Variants in PLXDC1 observed in about 807,000 individuals in gnomAD.
The protein encoded by PLXDC1 is plexin domain containing 1.
In PLXDC1, 39 loss-of-function variants were observed where a neutral mutation model predicts 61.3. The observed-to-expected ratio is 0.64, with a 90% CI of 0.49 to 0.83. The LOEUF (loss-of-function observed/expected upper bound fraction) is 0.83, where lower values mean the gene tolerates loss of function less well. PLXDC1 is among the 40% of genes least tolerant of loss of function. The pLI is 0.00. For synonymous variants in PLXDC1, 212 were observed against 254.5 expected, an observed-to-expected ratio of 0.83 and a Z score of 1.59; for missense variants, 596 against 666.5, an observed-to-expected ratio of 0.89 and a Z score of 1.17.
chr17:39,112,777 T>G (rs1260786031), intron 2 of PLXDC1, among the ~76,000 whole-genome samples: 1 of 152,112 alleles, frequency 6.6e-6, no homozygotes, highest in African/African-American at 2.4e-5. Flanking sequence ...GACTGGTGCT[T>G]TGCAATGTGT....
At position 39,105,904 on chromosome 17, in the gene PLXDC1, G is replaced by A; in HGVS notation, c.761C>T (p.Thr254Ile). ...EISSSQHPVK[T>I]GLSDAFMILN... Reference sequence around the variant, plus strand: ...AATCATGAAGGCATCCGATAGGCCGGTTTTGACAGGATGCTGGGAGGAGCT... The same window carrying A: ...AATCATGAAGGCATCCGATAGGCCGATTTTGACAGGATGCTGGGAGGAGCT... Residue 254 changes from threonine (T) to isoleucine (I), a missense_variant, in exon 7 of 14, where the codon ACC (threonine) becomes ATC (isoleucine). Thr to Ile is a moderately conservative substitution (Grantham distance 89, BLOSUM62 -1). Coordinates refer to ENST00000315392, the MANE Select transcript of PLXDC1 (RefSeq NM_020405.5). 2.5e-6 allele frequency: 4 copies of A among 1,614,074 alleles called. No homozygotes were observed. Among genetic ancestry groups the A allele is most frequent in the East Asian group, 2.2e-5 (1 of 44,884 alleles).
chr17:39,148,736 A>C (rs2045356436), intron 1 of PLXDC1, among the ~76,000 whole-genome samples: 1 of 151,456 alleles, frequency 6.6e-6, no homozygotes, highest in Non-Finnish European at 1.5e-5. Flanking sequence ...TGCCTGGCCT[A>C]AATCATTTAT....
At chr17:39,103,689 T>G (rs956621830) in intron 7 of PLXDC1, among the ~76,000 whole-genome samples, 1 of 151,382 alleles carries the variant, frequency 6.6e-6, no homozygotes, top group Non-Finnish European at 1.5e-5. Context: ...TTACTAAAAA[T>G]ACAAAAATCA....
At chr17:39,119,979 C>A (rs1003569178) in intron 2 of PLXDC1, among the ~76,000 whole-genome samples, 16 of 151,990 alleles carry the variant, frequency 1.1e-4, no homozygotes, top group Non-Finnish European at 1.9e-4. Context: ...CTCATTGTAA[C>A]CCCTCCCTTT....
At chr17:39,112,062 C>A (rs1344777687) in intron 2 of PLXDC1, 1 of 151,866 alleles carries the variant, frequency 6.6e-6, no homozygotes, top group Non-Finnish European at 1.5e-5. Context: ...CTGCTGGAGA[C>A]CCCTATCTCA....
intron 7 of PLXDC1, among the ~76,000 whole-genome samples, chr17:39,099,116 C>G (rs62076656): frequency 0.27 from 41,620 of 151,824 alleles, 6,240 homozygotes; most frequent in Non-Finnish European, 0.34. Context: ...GACCCAACAC[C>G]TCAGCACACA....
At chr17:39,131,307 G>A (rs181495791) in intron 2 of PLXDC1, among the ~76,000 whole-genome samples, 16 of 151,976 alleles carry the variant, frequency 1.1e-4, no homozygotes, top group African/African-American at 3.6e-4. Context: ...TCCACCTCCT[G>A]CCTCCCTGGA....
intron 2 of PLXDC1, among the ~76,000 whole-genome samples, chr17:39,130,685 C>T (rs533887106): frequency 6.6e-6 from 1 of 152,146 alleles, no homozygotes; most frequent in African/African-American, 2.4e-5. Flanking sequence ...GCCTCAGCCT[C>T]CCAAGCAGCT....
chr17:39,103,508 G>A (rs1910495091), intron 7 of PLXDC1, among the ~76,000 whole-genome samples: 2 of 151,918 alleles, frequency 1.3e-5, no homozygotes, highest in African/African-American at 4.8e-5. Context: ...GGGACACTGC[G>A]CTCCAGCCTG....
intron 2 of PLXDC1, among the ~76,000 whole-genome samples, chr17:39,119,362 G>T (rs1037213635): frequency 6.6e-6 from 1 of 152,140 alleles, no homozygotes; most frequent in Non-Finnish European, 1.5e-5. Flanking sequence ...TTATGAATGT[G>T]CAAATTACCC....
chr17:39,118,701 A>G (rs1911069876), intron 2 of PLXDC1, among the ~76,000 whole-genome samples: 1 of 152,218 alleles, frequency 6.6e-6, no homozygotes, highest in Admixed American at 6.5e-5. Context: ...AGTCTCCTAC[A>G]TGACCCTGTG....
intron 4 of PLXDC1, among the ~76,000 whole-genome samples, chr17:39,108,546 G>T (rs1036716251): frequency 6.6e-6 from 1 of 152,178 alleles, no homozygotes; most frequent in African/African-American, 2.4e-5. Flanking sequence ...GAACTGAAGT[G>T]CAGGGATTAA....
rs1203516781 is a variant in PLXDC1, at chr17:39,109,357, T to C, written c.290A>G (p.Tyr97Cys). ...DNHSYYVSRLYGPSEPHSREL... is the reference protein window; with the variant it reads ...DNHSYYVSRLCGPSEPHSREL... ...CCGGCTGTGGGGCTCGCTGGGGCCA[T>C]AGAGACGGGACACATAATAGCTGTG... is the stretch of plus-strand genomic sequence containing the variant. The change falls in exon 3 of 14, where the codon TAT becomes TGT. Residue 97 changes from tyrosine to cysteine, a missense_variant. Tyr to Cys is a radical substitution (Grantham distance 194). Coordinates refer to ENST00000315392, the MANE Select transcript of PLXDC1 (RefSeq NM_020405.5). 3.1e-6 allele frequency: 5 copies of C among 1,604,982 alleles called. No individual in the cohort carries two copies. Among genetic ancestry groups the C allele is most frequent in the Non-Finnish European group, 2.5e-6 (3 of 1,176,514 alleles).
At chr17:39,151,641 C>CG (rs1214868022), upstream of PLXDC1, 1 of 823,596 alleles carries the variant, frequency 1.2e-6, no homozygotes, top group East Asian at 1.4e-4. The surrounding 1 kb of genome is among the most constrained non-coding windows in gnomAD (Gnocchi z 5.2). Flanking sequence ...CGGGAGCAGG[C>CG]GGGGAGCTGG....
At chr17:39,111,388 G>T (rs1339280949) in intron 2 of PLXDC1, among the ~76,000 whole-genome samples, 1 of 152,196 alleles carries the variant, frequency 6.6e-6, no homozygotes, top group South Asian at 2.1e-4. Flanking sequence ...GGGTTCAAGC[G>T]ATTCTCGTGC....
At position 39,070,015 on chromosome 17, in the gene PLXDC1, G is replaced by A. The variant is rs138950045; in HGVS notation, c.1224C>T (p.Gly408=). 5.6e-6 allele frequency: 9 copies of A among 1,612,578 alleles called. No individual in the cohort carries two copies. The highest frequency in any genetic ancestry group is 2.2e-5 in the South Asian group (2 of 91,030). Residue 408 remains glycine, a splice_region_variant and synonymous_variant, in exon 13 of 14, where the codon GGC becomes GGT. Transcript: ENST00000315392. ...TCTTGGGGGACAGGTTGTTCTGAAG[G>A]CCTGTGGAGAGATCATTAGGGCAGA... The part of the protein sequence containing the change: ...TKLNPYAGGD[G]LQNNLSPKTK...
chr17:39,126,578 A>G (rs968950614), intron 2 of PLXDC1, among the ~76,000 whole-genome samples: 8 of 152,200 alleles, frequency 5.3e-5, no homozygotes, highest in African/African-American at 1.7e-4. Context: ...TATTTACACA[A>G]TTATTCCAGT....
intron 1 of PLXDC1, among the ~76,000 whole-genome samples, chr17:39,148,360 T>A (rs1227260654): frequency 1.3e-5 from 2 of 152,024 alleles, no homozygotes; most frequent in East Asian, 3.8e-4. Context: ...CACACCGCCA[T>A]GCCCAGCTAA....
At chr17:39,106,321 A>G (rs1910589491) in intron 6 of PLXDC1, among the ~76,000 whole-genome samples, 1 of 151,202 alleles carries the variant, frequency 6.6e-6, no homozygotes, top group South Asian at 2.1e-4. Context: ...ATCCTACTCT[A>G]AGCTGCTGTC....
Sources: allele counts gnomAD v4.1 joint callset (sites outside exome capture counted in the v4.1 genomes callset), GRCh38; gene constraint gnomAD v4.1.1; non-coding constraint Gnocchi (gnomAD v3.1); transcripts MANE v1.5; gene names NCBI Gene and HGNC (gene_info 2026-07-23, HGNC 2026-07-21).